The following CCSER1 variants were observed in gnomAD, a reference collection of about 807,000 sequenced individuals.
CCSER1 encodes serine-rich coiled-coil domain-containing protein 1.
In CCSER1, 41 loss-of-function variants were observed where a neutral mutation model predicts 82.0. That is an observed-to-expected ratio of 0.50 (90% confidence interval 0.39 to 0.65). The LOEUF (loss-of-function observed/expected upper bound fraction) is 0.65, where lower values mean the gene tolerates loss of function less well. Among genes scored for constraint, CCSER1 ranks in the 30% least tolerant of loss-of-function variants. The pLI is 0.00. For synonymous variants in CCSER1, 414 were observed against 383.9 expected, an observed-to-expected ratio of 1.08 and a Z score of -0.92; for missense variants, 1,119 against 1,064.2, an observed-to-expected ratio of 1.05 and a Z score of -0.72.
At chr4:91,055,926 C>T (rs1743405589) in intron 9 of CCSER1, among the ~76,000 whole-genome samples, 1 of 151,952 alleles carries the variant, frequency 6.6e-6, no homozygotes, top group Non-Finnish European at 1.5e-5. Context: ...TTTCAATGGT[C>T]CTGTCTTCAC....
At chr4:91,295,956 C>G (rs957736517) in intron 10 of CCSER1, among the ~76,000 whole-genome samples, 4 of 151,822 alleles carry the variant, frequency 2.6e-5, no homozygotes, top group African/African-American at 4.8e-5. Context: ...TTTATAGTAA[C>G]TAAATAAAGA....
intron 10 of CCSER1, among the ~76,000 whole-genome samples, chr4:91,481,596 T>C (rs900028901): frequency 6.6e-6 from 1 of 152,144 alleles, no homozygotes; most frequent in Non-Finnish European, 1.5e-5. Context: ...AACATGAGGA[T>C]TGCAAGCTAT....
chr4:91,174,440 A>G (rs1402365175), intron 10 of CCSER1, among the ~76,000 whole-genome samples: 2 of 152,122 alleles, frequency 1.3e-5, no homozygotes, highest in Non-Finnish European at 2.9e-5. Flanking sequence ...ACATTTTTTA[A>G]TATAAATTTT....
chr4:90,423,233 T>A (rs1756988789), intron 4 of CCSER1, among the ~76,000 whole-genome samples: 2 of 152,122 alleles, frequency 1.3e-5, no homozygotes, highest in African/African-American at 4.8e-5. Flanking sequence ...TTTATTTATA[T>A]TTATTTATTT....
intron 9 of CCSER1, among the ~76,000 whole-genome samples, chr4:91,085,576 G>T (rs189372595): frequency 6.6e-6 from 1 of 152,046 alleles, no homozygotes; most frequent in Non-Finnish European, 1.5e-5. Context: ...CTTTGTTTGG[G>T]CGCTGAGATC....
chr4:91,439,356 C>T (rs1311241409), intron 10 of CCSER1, among the ~76,000 whole-genome samples: 2 of 151,970 alleles, frequency 1.3e-5, no homozygotes, highest in Non-Finnish European at 2.9e-5. Flanking sequence ...AATTTTCAAC[C>T]CAGAATTTCA....
At chr4:90,654,158 C>T (rs1335911280) in intron 6 of CCSER1, among the ~76,000 whole-genome samples, 1 of 152,102 alleles carries the variant, frequency 6.6e-6, no homozygotes, top group African/African-American at 2.4e-5. Context: ...TAAATCCAGA[C>T]CATATCAGAT....
At position 90,932,953 on chromosome 4, in the gene CCSER1, A is replaced by AG. The variant is rs1491116544; in HGVS notation, c.2172+9507dup. ...AAGAAAGAAAGAAAGAAAGAAAGAA[A>AG]GAAAGAAAGAAAGAAAGAAAGAAAG... On this transcript the variant is annotated intron_variant, in intron 9 of 10. Coordinates refer to ENST00000509176, the MANE Select transcript of CCSER1 (RefSeq NM_001145065.2). Among the ~76,000 whole-genome samples the AG allele has an allele frequency of 2.8e-3, 113 of 40,574 alleles. 27 individuals carry two copies. The highest frequency in any genetic ancestry group is 0.023 in the African/African-American group (108 of 4,704). 26.6% of individuals were successfully genotyped at this position (40,574 alleles called of 152,430 possible).
intron 8 of CCSER1, among the ~76,000 whole-genome samples, chr4:90,898,291 T>TTTTTTTTTTTTTTTTTTTTTTTTC (rs1724048152): frequency 7.8e-6 from 1 of 127,448 alleles, no homozygotes; most frequent in African/African-American, 2.9e-5. Context: ...TTTTTTTTTT[T>TTTTTTTTTTTTTTTTTTTTTTTTC]TTTTTTTTGA....
At chr4:91,551,652 AACAAACACACACAC>A (rs1553954364) in intron 10 of CCSER1, among the ~76,000 whole-genome samples, 1 of 102,368 alleles carries the variant, frequency 9.8e-6, no homozygotes, top group Non-Finnish European at 1.9e-5. Flanking sequence ...GCAGGCAAAA[AACAAACACACACAC>A]ACACACACAC....
chr4:90,182,063 A>AT (rs1208596313), intron 1 of CCSER1, among the ~76,000 whole-genome samples: 7 of 152,176 alleles, frequency 4.6e-5, no homozygotes, highest in African/African-American at 9.7e-5. Context: ...GAATGATTTG[A>AT]TGCTCAGATG....
chr4:90,254,353 A>T (rs1722896678), intron 1 of CCSER1, among the ~76,000 whole-genome samples: 1 of 152,150 alleles, frequency 6.6e-6, no homozygotes, highest in Non-Finnish European at 1.5e-5. Flanking sequence ...GCCTTCTCTA[A>T]TGAGTAGAAT....
At chr4:90,202,715 T>C (rs1737996625) in intron 1 of CCSER1, among the ~76,000 whole-genome samples, 2 of 152,238 alleles carry the variant, frequency 1.3e-5, no homozygotes, top group South Asian at 2.1e-4. Flanking sequence ...AATTTAGGAA[T>C]GCTTTCTAAT....
intron 10 of CCSER1, among the ~76,000 whole-genome samples, chr4:91,145,895 A>G (rs995797750): frequency 2.0e-5 from 3 of 152,248 alleles, no homozygotes; most frequent in Admixed American, 6.5e-5. Context: ...TTTTTCTTGC[A>G]CATTGACCTT....
chr4:90,980,032 C>T (rs1035988289), intron 9 of CCSER1, among the ~76,000 whole-genome samples: 1 of 151,700 alleles, frequency 6.6e-6, no homozygotes, highest in Non-Finnish European at 1.5e-5. Context: ...ATGAATAGCA[C>T]TAAATGCTAT....
intron 10 of CCSER1, among the ~76,000 whole-genome samples, chr4:91,408,050 A>G (rs1409136961): frequency 2.0e-5 from 3 of 152,164 alleles, no homozygotes; most frequent in East Asian, 3.9e-4. Flanking sequence ...GTAAAAAAAA[A>G]AGCCCTCAGG....
chr4:91,216,303 G>A (rs985906964), intron 10 of CCSER1, among the ~76,000 whole-genome samples: 1 of 152,132 alleles, frequency 6.6e-6, no homozygotes, highest in Admixed American at 6.6e-5. Flanking sequence ...ATTAAGTAGG[G>A]AAACACTGAC....
intron 3 of CCSER1, among the ~76,000 whole-genome samples, chr4:90,347,315 A>G (rs1328175437): frequency 7.1e-6 from 1 of 141,630 alleles, no homozygotes; most frequent in Non-Finnish European, 1.6e-5. Flanking sequence ...CATAAGCTCT[A>G]TCTATCTATC....
chr4:91,512,828 A>G (rs1487074127), intron 10 of CCSER1, among the ~76,000 whole-genome samples: 1 of 152,080 alleles, frequency 6.6e-6, no homozygotes, highest in Non-Finnish European at 1.5e-5. Context: ...CTGAAACTTT[A>G]CTGAAGTTGT....
Sources: gnomAD v4.1 joint callset for allele counts (sites outside exome capture counted in the v4.1 genomes callset) on GRCh38, gnomAD v4.1.1 for gene constraint, MANE v1.5 for transcripts, NCBI Gene and HGNC (gene_info 2026-07-23, HGNC 2026-07-21) for gene names.